The following CARS1 variants were observed in gnomAD, a reference collection of about 807,000 sequenced individuals.
CARS1 encodes the protein cysteinyl-tRNA synthetase 1, also known as cysteine--tRNA ligase, cytoplasmic.
A neutral mutation model predicts 106.2 loss-of-function variants in CARS1; 48 were observed. The observed-to-expected ratio is 0.45, with a 90% CI of 0.36 to 0.57. The LOEUF is 0.57. CARS1 is among the 20% of genes least tolerant of loss of function. The pLI is 0.00. For missense variants in CARS1, 968 were observed against 1,057.2 expected, an observed-to-expected ratio of 0.92 and a Z score of 1.17; for synonymous variants, 409 against 403.4, an observed-to-expected ratio of 1.01 and a Z score of -0.17.
rs1856334993 is a variant in CARS1 at position 3,057,417 on chromosome 11, C to G, written c.-50G>C. On this transcript the variant is annotated 5_prime_UTR_variant, in exon 1 of 23. Coordinates refer to ENST00000380525, the MANE Select transcript of CARS1 (RefSeq NM_001014437.3). ...TGCGGCTACAGACACTTCCTAGAAT[C>G]TGATGCAACCGCCGCCCCGGAAGTC... The G allele has an allele frequency of 4.5e-6, 7 of 1,570,716 alleles. No individual in the cohort carries two copies. The highest frequency in any genetic ancestry group is 1.3e-5 in the African/African-American group (1 of 74,144).
rs61737270 is a variant in CARS1 at position 3,040,901 on chromosome 11, G to A, written c.450C>T (p.His150=). Reference sequence around the variant, plus strand: ...ACACCCCGCGGTGGACCTACCTGGCGTGCCCCATGTGAGATGCGTCATAGA... The same window carrying A: ...ACACCCCGCGGTGGACCTACCTGGCATGCCCCATGTGAGATGCGTCATAGA... ...PTVYDASHMG[H]ARSYISFDIL... The change falls in exon 4 of 23, where the codon CAC becomes CAT. Residue 150 remains histidine, a synonymous_variant. Coordinates refer to ENST00000380525, the MANE Select transcript of CARS1 (RefSeq NM_001014437.3). The surrounding 1 kb of genome is among the most constrained non-coding windows in gnomAD (Gnocchi z 5.8). 4.4e-3 allele frequency: 7,050 copies of A among 1,613,934 alleles called. 17 individuals carry two copies. Among genetic ancestry groups the A allele is most frequent in the Non-Finnish European group, 5.4e-3 (6,324 of 1,179,948 alleles).
In CARS1 at chr11:3,037,908, G is replaced by T; in HGVS notation, c.801+142C>A. 1.2e-6 allele frequency: 1 copy of T among 811,454 alleles called. No individual in the cohort carries two copies. Among genetic ancestry groups the T allele is most frequent in the South Asian group, 1.9e-5 (1 of 52,140 alleles). The allele number at this position is 811,454 out of a possible 1,614,324, so 50.3% of individuals were successfully genotyped here. A position where few individuals can be genotyped will look rare whatever the true frequency, so the allele number is the denominator to read the frequency against. On this transcript the variant is annotated intron_variant, in intron 7 of 22. Transcript: ENST00000380525. This position sits in a 1 kb window ranked among gnomAD's most constrained non-coding sequence, Gnocchi z 5.9. Reference sequence around the variant, plus strand: ...GACTCAGCCACCGCAGAACAGGGCCGCCTGCCACAGTGGAGCTACTGGAGA... The same window carrying T: ...GACTCAGCCACCGCAGAACAGGGCCTCCTGCCACAGTGGAGCTACTGGAGA...
At chr11:3,014,855 A>G (rs1011137431) in intron 17 of CARS1, among the ~76,000 whole-genome samples, 1 of 152,242 alleles carries the variant, frequency 6.6e-6, no homozygotes, top group Non-Finnish European at 1.5e-5. Flanking sequence ...CTCCATCCGC[A>G]TGGGGGCTCT....
chr11:3,023,605 C>T (rs1012628075), intron 10 of CARS1, among the ~76,000 whole-genome samples: 16 of 152,152 alleles, frequency 1.1e-4, no homozygotes, highest in African/African-American at 3.6e-4. Flanking sequence ...ACATTGCCCA[C>T]GATGGTCTTG....
intron 18 of CARS1, among the ~76,000 whole-genome samples, chr11:3,011,850 T>C (rs1226989251): frequency 2.0e-5 from 3 of 152,170 alleles, no homozygotes; most frequent in Non-Finnish European, 4.4e-5. Context: ...AGGTGGTGAC[T>C]GGGCTGGTCA....
At position 3,030,367 on chromosome 11, in the gene CARS1, T is replaced by C. The variant is rs2134200607; in HGVS notation, c.802-924A>G. On this transcript the variant is annotated intron_variant, in intron 7 of 22. Coordinates refer to ENST00000380525, the MANE Select transcript of CARS1 (RefSeq NM_001014437.3). The surrounding 1 kb of genome is among the most constrained non-coding windows in gnomAD (Gnocchi z 5.7). Reference sequence around the variant, plus strand: ...GAATCAAACAGATGTGTTAAATGTATTGCAGGCCTGCAAGTGGCAAGGCAC... The same window carrying C: ...GAATCAAACAGATGTGTTAAATGTACTGCAGGCCTGCAAGTGGCAAGGCAC... 6.6e-6 allele frequency: 1 copy of C among 152,332 alleles called. No individual in the cohort carries two copies. Among genetic ancestry groups the C allele is most frequent in the East Asian group, 1.9e-4 (1 of 5,178 alleles). 9.4% of individuals were successfully genotyped at this position (152,332 alleles called of 1,614,324 possible).
chr11:3,014,276 G>A (rs1030020000), intron 17 of CARS1, among the ~76,000 whole-genome samples: 5 of 152,206 alleles, frequency 3.3e-5, no homozygotes, highest in East Asian at 1.9e-4. Flanking sequence ...GCTGTGTGGC[G>A]ACACTGAGGT....
Position 3,020,309 on chromosome 11 carries a change from G to A in CARS1, c.1177C>T (p.Arg393Cys), listed in dbSNP as rs191972912. Residue 393 changes from arginine to cysteine, a missense_variant, in exon 11 of 23, where the codon CGC becomes TGC. Physicochemically the swap from Arg to Cys is radical, Grantham distance 180 (BLOSUM62 -3). Coordinates refer to ENST00000380525, the MANE Select transcript of CARS1 (RefSeq NM_001014437.3). The surrounding 1 kb of genome is among the most constrained non-coding windows in gnomAD (Gnocchi z 4.6). ...TTGGGAGAGCGCTTCTCACTCAGGCGGTCTGCAGAGATGCTCAGGTCACCT... is the reference window on the plus strand; with the variant it reads ...TTGGGAGAGCGCTTCTCACTCAGGCAGTCTGCAGAGATGCTCAGGTCACCT... ...GEGDLSISAD[R>C]LSEKRSPNDF... The A allele has an allele frequency of 3.0e-5, 48 of 1,613,594 alleles. No individual in the cohort carries two copies. Among genetic ancestry groups the A allele is most frequent in the Middle Eastern group, 1.6e-4 (1 of 6,062 alleles).
rs147953679 is a variant in CARS1, at chr11:3,006,693, G to A, written c.2149+186C>T. Among the ~76,000 whole-genome samples, 738 of 152,338 alleles carry A rather than the reference G, an allele frequency of 4.8e-3. 1 individual carries two copies. Among genetic ancestry groups the A allele is most frequent in the Middle Eastern group, 0.024 (7 of 294 alleles). Reference sequence around the variant, plus strand: ...CGCAGCAGTGGGAAGGAGCTACGGGGTGCTCCCCTGCCCCTGCCAGGCTGG... The same window carrying A: ...CGCAGCAGTGGGAAGGAGCTACGGGATGCTCCCCTGCCCCTGCCAGGCTGG... On this transcript the variant is annotated intron_variant, in intron 19 of 22. Coordinates refer to ENST00000380525, the MANE Select transcript of CARS1 (RefSeq NM_001014437.3).
intron 20 of CARS1, 52 bp downstream of exon 20, chr11:3,005,314 G>T: frequency 1.5e-6 from 2 of 1,338,946 alleles, no homozygotes; most frequent in East Asian, 2.3e-5. Context: ...AATCGCAATG[G>T]TTTTTACATT....
rs565935161 is a variant in CARS1, at chr11:3,032,912, C to T, written c.802-3469G>A. Among the ~76,000 whole-genome samples, 34 of 151,464 alleles carry T rather than the reference C, an allele frequency of 2.2e-4. No individual in the cohort carries two copies. In the South Asian group the frequency reaches 3.6e-3, roughly 16 times the overall value. On this transcript the variant is annotated intron_variant, in intron 7 of 22. Coordinates refer to ENST00000380525, the MANE Select transcript of CARS1 (RefSeq NM_001014437.3). ...GTAAACCACGGACTCAGGGTAATGA[C>T]GCTCAGAGCAGGTTCGCTGACTGTA...
At position 3,041,219 on chromosome 11, in the gene CARS1, A is replaced by G. The variant is rs962371296; in HGVS notation, c.367-235T>C. 2 of 543,732 alleles carry G rather than the reference A, an allele frequency of 3.7e-6. No homozygotes were observed. Among genetic ancestry groups the G allele is most frequent in the Non-Finnish European group, 6.5e-6 (2 of 306,698 alleles). The allele number at this position is 543,732 out of a possible 1,614,324, so 33.7% of individuals were successfully genotyped here. On this transcript the variant is annotated intron_variant, in intron 3 of 22. Coordinates refer to ENST00000380525, the MANE Select transcript of CARS1 (RefSeq NM_001014437.3). The surrounding 1 kb of genome is among the most constrained non-coding windows in gnomAD (Gnocchi z 4.9). ...GGGGCCTCTTCCTCCCTGGGGTTCT[A>G]CTCATCTATGGAGGGAGGCGATAAA...
intron 2 of CARS1, 122 bp from the exon 3 acceptor site, chr11:3,042,378 G>A: frequency 1.5e-6 from 1 of 650,056 alleles, no homozygotes; most frequent in Non-Finnish European, 2.7e-6. Flanking sequence ...TTTAAACAAT[G>A]TGAAACCACA....
Position 3,001,256 on chromosome 11 carries a change from C to A in CARS1, c.2362-8G>T. 1 of 1,613,014 alleles carries A rather than the reference C, an allele frequency of 6.2e-7. No homozygotes were observed. The highest frequency in any genetic ancestry group is 1.1e-5 in the South Asian group (1 of 91,086). On this transcript the variant is annotated splice_region_variant and splice_polypyrimidine_tract_variant and intron_variant, in intron 22 of 22. Coordinates refer to ENST00000380525, the MANE Select transcript of CARS1 (RefSeq NM_001014437.3). Reference sequence around the variant, plus strand: ...GTCATGTGTGGGCAGACCCTGAAAACCCAGAGCACAGCGGCTATTGGTCTC... The same window carrying A: ...GTCATGTGTGGGCAGACCCTGAAAAACCAGAGCACAGCGGCTATTGGTCTC...
At chr11:3,031,445 G>T (rs1379021464) in intron 7 of CARS1, 1 of 152,128 alleles carries the variant, frequency 6.6e-6, no homozygotes, top group East Asian at 1.9e-4. Context: ...GATAGGGCTG[G>T]AATACTCAAT....
At chr11:3,049,758 C>A (rs1044189002) in intron 1 of CARS1, among the ~76,000 whole-genome samples, 2 of 152,204 alleles carry the variant, frequency 1.3e-5, no homozygotes, top group African/African-American at 4.8e-5. Flanking sequence ...CATCACAGTC[C>A]CCCTCTCTGC....
rs745980042 is a variant in CARS1, at chr11:3,057,335, C to G, written c.25+8G>C. 1 of 1,608,756 alleles carries G rather than the reference C, an allele frequency of 6.2e-7. No individual in the cohort carries two copies. The highest frequency in any genetic ancestry group is 1.1e-5 in the South Asian group (1 of 90,702). ...CCGCCCTCAGCCTGGCCCGGCCGCG[C>G]CGCTCACCCTGCTGCCCGGAGGAAT... On this transcript the variant is annotated splice_region_variant and intron_variant, in intron 1 of 22. Coordinates refer to ENST00000380525, the MANE Select transcript of CARS1 (RefSeq NM_001014437.3).
chr11:3,027,703 G>C (rs1590409581), intron 9 of CARS1: 1 of 366,342 alleles, frequency 2.7e-6, no homozygotes, highest in Non-Finnish European at 5.7e-6. Context: ...GGAGTGACCA[G>C]AAGACAAGAG....
At chr11:3,012,697 T>C (rs1850597819) in intron 17 of CARS1, among the ~76,000 whole-genome samples, 1 of 152,202 alleles carries the variant, frequency 6.6e-6, no homozygotes, top group Non-Finnish European at 1.5e-5. Flanking sequence ...TTACCTATGC[T>C]GAGGCTGGCG....
Sources: allele counts gnomAD v4.1 joint callset (sites outside exome capture counted in the v4.1 genomes callset), GRCh38; gene constraint gnomAD v4.1.1; non-coding constraint Gnocchi (gnomAD v3.1); transcripts MANE v1.5; gene names NCBI Gene and HGNC (gene_info 2026-07-23, HGNC 2026-07-21).